ARHGAP20: variants seen among roughly 807,000 people sequenced by gnomAD.
The protein encoded by ARHGAP20 is Rho GTPase activating protein 20, also known as rho GTPase-activating protein 20.
A neutral mutation model predicts 73.7 loss-of-function variants in ARHGAP20; 34 were observed. The observed-to-expected ratio is 0.46, with a 90% CI of 0.35 to 0.61. The LOEUF (loss-of-function observed/expected upper bound fraction) is 0.61, where lower values mean the gene tolerates loss of function less well. Among genes scored for constraint, ARHGAP20 ranks in the 20% least tolerant of loss-of-function variants. ARHGAP20 has a pLI of 0.00. For synonymous variants in ARHGAP20, 523 were observed against 518.2 expected (o/e 1.01, Z -0.13); for missense variants, 1,314 against 1,420.9 (o/e 0.92, Z 1.21).
At chr11:110,676,967 T>C (rs894223259) in intron 2 of ARHGAP20, among the ~76,000 whole-genome samples, 1 of 152,158 alleles carries the variant, frequency 6.6e-6, no homozygotes, top group African/African-American at 2.4e-5. Flanking sequence ...AGGATCACAG[T>C]TGGATTCAAT....
chr11:110,698,132 G>C, intron 1 of ARHGAP20, among the ~76,000 whole-genome samples: 1 of 151,578 alleles, frequency 6.6e-6, no homozygotes, highest in Admixed American at 6.6e-5. Context: ...TATCACGAAG[G>C]ATGTTGGATT....
rs1947451006 is a variant in ARHGAP20, at chr11:110,581,024, A to G, written c.1922T>C (p.Leu641Ser). 1 of 1,614,040 alleles carries G rather than the reference A, an allele frequency of 6.2e-7. No individual in the cohort carries two copies. Among genetic ancestry groups the G allele is most frequent in the Admixed American group, 1.7e-5 (1 of 60,006 alleles). ...AACATCTTCATCTTTAGAATGGGCC[A>G]AGTCAAAGTCGCTTAGGGTTAAAAG... ...EGLLTLSDFD[L>S]AHSKDEDVQM... Residue 641 changes from leucine to serine, a missense_variant, in exon 15 of 15, where the codon TTG becomes TCG. Around this residue, in one of 3 missense-constraint regions of ARHGAP20, gnomAD observed 230 missense variants for 317.6 expected, o/e 0.72. Coordinates refer to ENST00000683387, the MANE Select transcript of ARHGAP20 (RefSeq NM_001384657.1).
chr11:110,691,229 G>C lies in ARHGAP20; in HGVS notation c.106-600C>G, dbSNP rs2135118705. 2.0e-5 allele frequency among the ~76,000 whole-genome samples: 3 copies of C among 152,064 alleles called. No individual in the cohort carries two copies. In the Middle Eastern group the frequency reaches 0.01, roughly 517 times the overall value. Reference sequence around the variant, plus strand: ...TATAAATATAAGACGGTGGTAATCTGTTCCAGTGACCTAAAGTTGCAGTAA... The same window carrying C: ...TATAAATATAAGACGGTGGTAATCTCTTCCAGTGACCTAAAGTTGCAGTAA... On this transcript the variant is annotated intron_variant, in intron 1 of 14. Transcript: ENST00000683387.
chr11:110,599,336 C>G (rs771464845), intron 9 of ARHGAP20, among the ~76,000 whole-genome samples: 7 of 152,218 alleles, frequency 4.6e-5, no homozygotes, highest in Non-Finnish European at 1.0e-4. Flanking sequence ...TGCAGCCCAA[C>G]CAGGTTGTGC....
Position 110,577,337 on chromosome 11 carries a change from TAAC to T in ARHGAP20, c.*2030_*2032del. 2 of 1,247,138 alleles carry T rather than the reference TAAC, an allele frequency of 1.6e-6. No individual in the cohort carries two copies. Among genetic ancestry groups the T allele is most frequent in the Non-Finnish European group, 2.0e-6 (2 of 994,368 alleles). The allele number at this position is 1,247,138 out of a possible 1,614,324, so 77.3% of individuals were successfully genotyped here. ...ACAATATAATACTTTACAGCAATATTAACAAACTATTCACATTAAGAATTACAG... is the reference window on the plus strand; with the variant it reads ...ACAATATAATACTTTACAGCAATATTAAACTATTCACATTAAGAATTACAG... On this transcript the variant is annotated 3_prime_UTR_variant, in exon 15 of 15. Coordinates refer to ENST00000683387, the MANE Select transcript of ARHGAP20 (RefSeq NM_001384657.1).
chr11:110,614,562 T>G lies in ARHGAP20; in HGVS notation c.629A>C (p.Tyr210Ser). The G allele has an allele frequency of 6.2e-7, 1 of 1,612,020 alleles. No homozygotes were observed. The highest frequency in any genetic ancestry group is 8.5e-7 in the Non-Finnish European group (1 of 1,178,292). ...ATTTTCTGGCTTAGAAACACTTACG[T>G]AGGCACAATTCCCAATGTCCTTGGC... ...IFAKDIGNCA[Y>S]SKTITVMNSD... is the part of the protein sequence containing the mutation. Residue 210 changes from tyrosine (Y) to serine (S), a missense_variant and splice_region_variant, in exon 6 of 15, where the codon TAC (tyrosine) becomes TCC (serine). Transcript: ENST00000683387.
Position 110,579,650 on chromosome 11 carries a change from T to A in ARHGAP20, c.3296A>T (p.Glu1099Val), listed in dbSNP as rs1947384515. The stretch of plus-strand genomic sequence containing the variant: ...GGCTGACTGCACAGGGGACAGTCCT[T>A]CAGCTGCCCTTAAGGGCAAGTCTTT... The part of the protein sequence containing the change: ...EQKDLPLRAA[E>V]GLSPVQSAQR... The change falls in exon 15 of 15, where the codon GAA (glutamate) becomes GTA (valine). Residue 1099 changes from glutamate (E) to valine (V), a missense_variant. Transcript: ENST00000683387. The A allele has an allele frequency of 1.9e-6, 3 of 1,614,114 alleles. No homozygotes were observed. Among genetic ancestry groups the A allele is most frequent in the Non-Finnish European group, 2.5e-6 (3 of 1,180,054 alleles).
chr11:110,672,243 T>C (rs1394727289), intron 2 of ARHGAP20, among the ~76,000 whole-genome samples: 1 of 152,144 alleles, frequency 6.6e-6, no homozygotes, highest in African/African-American at 2.4e-5. Flanking sequence ...AGGGGAAACA[T>C]CTGATTATAT....
chr11:110,580,104 AG>A lies in ARHGAP20; in HGVS notation c.2841del (p.Ser948HisfsTer3). 2.5e-6 allele frequency: 4 copies of A among 1,614,162 alleles called. No individual in the cohort carries two copies. Among genetic ancestry groups the A allele is most frequent in the Non-Finnish European group, 3.4e-6 (4 of 1,180,022 alleles). ...GCACTGTCTTGGGAGCTTACTGATG[AG>A]CCGGATGGGGAAGTGCCTGGGGAGG... Reference protein sequence around the residue: ...SLSSPGTSPSGSSVSSQDSAF... With the variant: ...SLSSPGTSPSXSSVSSQDSAF... On this transcript the variant is annotated frameshift_variant, in exon 15 of 15. Coordinates refer to ENST00000683387, the MANE Select transcript of ARHGAP20 (RefSeq NM_001384657.1). LOFTEE classifies it low-confidence loss of function (END_TRUNC).
intron 9 of ARHGAP20, among the ~76,000 whole-genome samples, chr11:110,592,904 A>C (rs1947863939): frequency 6.6e-6 from 1 of 152,220 alleles, no homozygotes; most frequent in South Asian, 2.1e-4. Context: ...GGACACAAAC[A>C]TGAAGTTTAT....
At chr11:110,651,206 G>A (rs1159157015) in intron 2 of ARHGAP20, among the ~76,000 whole-genome samples, 3 of 152,090 alleles carry the variant, frequency 2.0e-5, no homozygotes, top group Non-Finnish European at 4.4e-5. Flanking sequence ...AAGAGACAAT[G>A]TATCAGAATT....
chr11:110,630,856 A>G (rs1948846053), intron 2 of ARHGAP20, 64 bp from the exon 3 acceptor site: 1 of 1,530,596 alleles, frequency 6.5e-7, no homozygotes, highest in African/African-American at 1.4e-5. Flanking sequence ...AAGAACTACA[A>G]AATTCTGTAA....
At chr11:110,658,492 G>T (rs184879911) in intron 2 of ARHGAP20, among the ~76,000 whole-genome samples, 16 of 152,244 alleles carry the variant, frequency 1.1e-4, no homozygotes, top group African/African-American at 3.8e-4. Context: ...TAGCTACGAA[G>T]AAAGACCTTC....
intron 1 of ARHGAP20, among the ~76,000 whole-genome samples, chr11:110,698,561 C>A (rs1259316002): frequency 1.3e-5 from 2 of 151,532 alleles, no homozygotes; most frequent in African/African-American, 4.8e-5. Flanking sequence ...TTTTGTTGTT[C>A]TTGGAAGATT....
intron 9 of ARHGAP20, 62 bp from the exon 10 acceptor site, chr11:110,592,217 C>T (rs1330067765): frequency 2.0e-6 from 3 of 1,475,500 alleles, no homozygotes; most frequent in East Asian, 2.3e-5. Context: ...ATTTCTATAA[C>T]TTCCATTTTA....
In ARHGAP20 at chr11:110,579,942, G is replaced by C; in HGVS notation, c.3004C>G (p.Pro1002Ala). The change falls in exon 15 of 15, where the codon CCC (proline) becomes GCC (alanine). Residue 1002 changes from proline (P) to alanine (A), a missense_variant. Coordinates refer to ENST00000683387, the MANE Select transcript of ARHGAP20 (RefSeq NM_001384657.1). ...CAAGCCTGCCCTGATGAGGGACCGG[G>C]CATTCCGGAAACATGGCTGGCATTG... is the stretch of plus-strand genomic sequence containing the variant. ...FSNASHVSGM[P>A]GPSSGQACSR... 1 of 1,614,212 alleles carries C rather than the reference G, an allele frequency of 6.2e-7. No individual in the cohort carries two copies. The highest frequency in any genetic ancestry group is 8.5e-7 in the Non-Finnish European group (1 of 1,180,026).
At chr11:110,587,151 A>G (rs141186965) in intron 11 of ARHGAP20, among the ~76,000 whole-genome samples, 16 of 152,316 alleles carry the variant, frequency 1.1e-4, no homozygotes, top group Admixed American at 2.0e-4. Flanking sequence ...TGTTTACAAA[A>G]AGCTTAAAAA....
At chr11:110,601,358 G>A (rs761259601) in intron 9 of ARHGAP20, among the ~76,000 whole-genome samples, 1 of 152,232 alleles carries the variant, frequency 6.6e-6, no homozygotes, top group Non-Finnish European at 1.5e-5. Context: ...GTACATATGT[G>A]AACAAGGGAG....
chr11:110,584,562 T>C (rs1198858878), intron 12 of ARHGAP20, among the ~76,000 whole-genome samples: 1 of 152,090 alleles, frequency 6.6e-6, no homozygotes, highest in African/African-American at 2.4e-5. Flanking sequence ...TATGAAGGAC[T>C]TTGAAATAGA....
Sources: gnomAD v4.1 joint callset for allele counts (sites outside exome capture counted in the v4.1 genomes callset) on GRCh38, gnomAD v4.1.1 for gene constraint, gnomAD v4.1.1 regional missense constraint, MANE v1.5 for transcripts, NCBI Gene and HGNC (gene_info 2026-07-23, HGNC 2026-07-21) for gene names.